The following CCDC175 variants were observed in gnomAD, a reference collection of about 807,000 sequenced individuals.
The protein encoded by CCDC175 is coiled-coil domain containing 175.
A neutral mutation model predicts 114.6 loss-of-function variants in CCDC175; 100 were observed. That is an observed-to-expected ratio of 0.87 (90% CI 0.74 to 1.03). The LOEUF (loss-of-function observed/expected upper bound fraction) is 1.03. Ranked by LOEUF, CCDC175 falls within the 50% of genes least tolerant of loss-of-function variation. CCDC175 has a pLI of 0.00. For synonymous variants in CCDC175, 306 were observed against 308.7 expected (o/e 0.99, Z 0.09); for missense variants, 880 against 917.8 (o/e 0.96, Z 0.53).
At chr14:59,538,507 T>C (rs1170117169) in intron 12 of CCDC175, among the ~76,000 whole-genome samples, 198 bp downstream of exon 12, 1 of 152,244 alleles carries the variant, frequency 6.6e-6, no homozygotes, top group Non-Finnish European at 1.5e-5. Context: ...AAGCATATTC[T>C]ACTGTATTTG....
At chr14:59,505,559 AAAG>A (rs1219049390) in intron 19 of CCDC175, 3 of 295,258 alleles carry the variant, frequency 1.0e-5, no homozygotes, top group Admixed American at 4.9e-5. Context: ...TATATATGCA[AAAG>A]AAGAAATTAC....
intron 8 of CCDC175, among the ~76,000 whole-genome samples, chr14:59,550,174 G>T (rs530718717): frequency 1.1e-4 from 16 of 152,248 alleles, no homozygotes; most frequent in African/African-American, 3.1e-4. Flanking sequence ...CTCCCAAAGT[G>T]CTGGAATTAC....
chr14:59,555,828 A>G (rs932295043), intron 7 of CCDC175, among the ~76,000 whole-genome samples: 5 of 152,340 alleles, frequency 3.3e-5, no homozygotes, highest in Admixed American at 6.5e-5. Context: ...ATAACAGACA[A>G]ACAGAGAGCC....
chr14:59,517,980 G>T (rs939206476), intron 17 of CCDC175, among the ~76,000 whole-genome samples: 3 of 152,052 alleles, frequency 2.0e-5, no homozygotes, highest in African/African-American at 7.2e-5. Context: ...GAGATATAGA[G>T]CAATGGAACC....
chr14:59,570,906 T>C (rs959657468), intron 3 of CCDC175, among the ~76,000 whole-genome samples: 8 of 151,990 alleles, frequency 5.3e-5, no homozygotes, highest in Non-Finnish European at 7.4e-5. Context: ...GCCTGGCTAA[T>C]TGTTTTTTGT....
intron 13 of CCDC175, among the ~76,000 whole-genome samples, chr14:59,533,805 G>T (rs549446348): frequency 6.6e-6 from 1 of 151,950 alleles, no homozygotes; most frequent in South Asian, 2.1e-4. Context: ...TGGCTAACAT[G>T]GTGAAACCCC....
rs1167387920 is a variant in CCDC175, at chr14:59,527,076, T to G, written c.1842+19A>C. ...TTCTAATAATAATAAAAAAAAGAAT[T>G]AATGCATTGATCTTTTACCATGTTG... is the stretch of plus-strand genomic sequence containing the variant. On this transcript the variant is annotated intron_variant, in intron 15 of 19. Coordinates refer to ENST00000537690, the MANE Select transcript of CCDC175 (RefSeq NM_001164399.2). 3.2e-6 allele frequency: 4 copies of G among 1,257,618 alleles called. No individual in the cohort carries two copies. Among genetic ancestry groups the G allele is most frequent in the Non-Finnish European group, 4.3e-6 (4 of 933,904 alleles). The allele number at this position is 1,257,618 out of a possible 1,614,324, so 77.9% of individuals were successfully genotyped here.
chr14:59,562,825 A>G (rs1371069588), intron 6 of CCDC175, among the ~76,000 whole-genome samples: 2 of 152,158 alleles, frequency 1.3e-5, no homozygotes, highest in African/African-American at 2.4e-5. Flanking sequence ...CTATTTTCCT[A>G]TAGGCTTAGT....
chr14:59,520,789 TTAA>T (rs1191391483), intron 17 of CCDC175, among the ~76,000 whole-genome samples: 5 of 152,184 alleles, frequency 3.3e-5, no homozygotes, highest in African/African-American at 9.7e-5. Flanking sequence ...TATCTCATTA[TTAA>T]TGACAGAAAG....
At chr14:59,544,734 C>G (rs900363788) in intron 9 of CCDC175, among the ~76,000 whole-genome samples, 4 of 152,070 alleles carry the variant, frequency 2.6e-5, no homozygotes, top group Non-Finnish European at 5.9e-5. Context: ...GCATTAGTGT[C>G]GTGATAATGC....
intron 3 of CCDC175, among the ~76,000 whole-genome samples, chr14:59,571,810 A>G (rs959806477): frequency 2.6e-5 from 4 of 152,196 alleles, no homozygotes; most frequent in African/African-American, 9.6e-5. Flanking sequence ...AATTCTGCTT[A>G]TGCATAAATA....
intron 19 of CCDC175, among the ~76,000 whole-genome samples, chr14:59,506,524 G>C (rs766734457): frequency 1.1e-4 from 16 of 152,108 alleles, no homozygotes; most frequent in Non-Finnish European, 1.9e-4. Flanking sequence ...CTGACCTCAA[G>C]TGATCTGCTC....
intron 2 of CCDC175, 52 bp downstream of exon 2, chr14:59,574,891 T>A: frequency 2.0e-6 from 2 of 992,242 alleles, no homozygotes. Flanking sequence ...AATGAAAGTT[T>A]GAAGAAATAT....
chr14:59,521,410 G>A (rs994994710), intron 17 of CCDC175, among the ~76,000 whole-genome samples, 164 bp downstream of exon 17: 6 of 152,248 alleles, frequency 3.9e-5, no homozygotes, highest in East Asian at 1.9e-4. Context: ...ATCCACCACT[G>A]GATTCCTTGC....
chr14:59,575,401 A>G (rs1341751641), intron 1 of CCDC175, among the ~76,000 whole-genome samples: 1 of 152,118 alleles, frequency 6.6e-6, no homozygotes, highest in Non-Finnish European at 1.5e-5. Context: ...GAGATCAAGT[A>G]TGAAAAGAGT....
At chr14:59,562,630 G>C (rs1442813018) in intron 6 of CCDC175, among the ~76,000 whole-genome samples, 1 of 152,122 alleles carries the variant, frequency 6.6e-6, no homozygotes, top group African/African-American at 2.4e-5. Flanking sequence ...GAAGGACCCG[G>C]AGGCAAATTT....
intron 13 of CCDC175, among the ~76,000 whole-genome samples, chr14:59,536,695 G>C (rs1894419341): frequency 6.6e-6 from 1 of 151,896 alleles, no homozygotes; most frequent in African/African-American, 2.4e-5. Flanking sequence ...TCTTCCCTAA[G>C]TGTCTACATT....
At chr14:59,557,439 G>C (rs1246578844) in intron 7 of CCDC175, among the ~76,000 whole-genome samples, 1 of 145,482 alleles carries the variant, frequency 6.9e-6, no homozygotes, top group Admixed American at 7.0e-5. Context: ...ACACAGGAAG[G>C]GGAACCTCAC....
At chr14:59,546,827 ATC>A (rs1895139613) in intron 8 of CCDC175, among the ~76,000 whole-genome samples, 1 of 152,176 alleles carries the variant, frequency 6.6e-6, no homozygotes. Context: ...ACAGAGTGAG[ATC>A]CTGTCTCAAA....
Sources: allele counts gnomAD v4.1 joint callset (sites outside exome capture counted in the v4.1 genomes callset), GRCh38; gene constraint gnomAD v4.1.1; transcripts MANE v1.5; gene names NCBI Gene and HGNC (gene_info 2026-07-23, HGNC 2026-07-21).